The following PCDH11X variants were observed in gnomAD, a reference collection of about 807,000 sequenced individuals.
The protein encoded by PCDH11X is protocadherin-11 X-linked.
Under a neutral mutation model 53.3 loss-of-function variants are expected in PCDH11X, and 18 were observed. The ratio of observed to expected loss-of-function variants is 0.34; its 90% CI spans 0.23 to 0.50. The LOEUF is 0.50. PCDH11X is among the 20% of genes least tolerant of loss of function. PCDH11X has a pLI of 0.98. For synonymous variants in PCDH11X, 279 were observed against 393.3 expected (o/e 0.71, Z 3.44); for missense variants, 570 against 1,032.4 (o/e 0.55, Z 6.14).
intron 4 of PCDH11X, among the ~76,000 whole-genome samples, chrX:91,817,313 A>G (rs1280719622): frequency 9.9e-6 from 1 of 101,294 alleles, no homozygotes; most frequent in Non-Finnish European, 2.0e-5. Flanking sequence ...TTAACAAGTT[A>G]CCAATATCTT....
At chrX:91,779,840 C>A (rs1303211858) in intron 1 of PCDH11X, among the ~76,000 whole-genome samples, 156 bp downstream of exon 1, 2 of 109,443 alleles carry the variant, frequency 1.8e-5, no homozygotes, top group Admixed American at 9.7e-5. Flanking sequence ...CTTCCCCCTT[C>A]TCTTCCCGGG....
chrX:92,017,513 A>G (rs2062814832), intron 6 of PCDH11X, among the ~76,000 whole-genome samples: 1 of 84,247 alleles, frequency 1.2e-5, no homozygotes, highest in African/African-American at 4.8e-5. Context: ...AGACTGGGCA[A>G]CATGGCAAAA....
At chrX:92,032,659 T>C (rs1385715156) in intron 6 of PCDH11X, among the ~76,000 whole-genome samples, 1 of 110,523 alleles carries the variant, frequency 9.0e-6, no homozygotes, top group East Asian at 2.9e-4. Context: ...ATGTTTCTTC[T>C]ATCCCTAGTC....
intron 1 of PCDH11X, among the ~76,000 whole-genome samples, chrX:91,800,682 C>T (rs2147538745): frequency 9.0e-6 from 1 of 111,417 alleles, no homozygotes; most frequent in East Asian, 2.8e-4. Flanking sequence ...GTAGCAATTG[C>T]TTTCTTTTGA....
intron 5 of PCDH11X, among the ~76,000 whole-genome samples, chrX:91,869,688 A>G (rs1172464149): frequency 2.7e-5 from 3 of 111,141 alleles, no homozygotes; most frequent in Non-Finnish European, 5.7e-5. Flanking sequence ...AGTGATTAAA[A>G]TTACATGCTT....
intron 6 of PCDH11X, among the ~76,000 whole-genome samples, chrX:92,154,161 A>G (rs1196329153): frequency 1.8e-5 from 2 of 110,728 alleles, no homozygotes; most frequent in African/African-American, 6.6e-5. Context: ...CTATCTATTG[A>G]TTGGAAAGGA....
chrX:92,229,805 C>A (rs1400373534), intron 7 of PCDH11X, among the ~76,000 whole-genome samples: 1 of 111,157 alleles, frequency 9.0e-6, no homozygotes, highest in Non-Finnish European at 1.9e-5. Flanking sequence ...CTTCTGGAAA[C>A]ATGACCAAAC....
intron 6 of PCDH11X, among the ~76,000 whole-genome samples, chrX:91,926,104 ACACACACACAT>A (rs1941938946): frequency 9.6e-6 from 1 of 104,341 alleles, no homozygotes; most frequent in African/African-American, 3.6e-5. Context: ...ACACACACAC[ACACACACACAT>A]ATATATATAG....
intron 8 of PCDH11X, among the ~76,000 whole-genome samples, chrX:92,293,719 A>G (rs1019912531): frequency 2.7e-5 from 3 of 111,273 alleles, no homozygotes; most frequent in Non-Finnish European, 3.8e-5. Context: ...CGAAATCTCA[A>G]TGAAAAACTC....
Position 92,105,935 on chromosome X carries a change from T to A in PCDH11X, c.3034-95440T>A, listed in dbSNP as rs2064376038. On this transcript the variant is annotated intron_variant, in intron 6 of 10. Transcript: ENST00000682573. Reference sequence around the variant, plus strand: ...GCCTGACACTTCCCTCTACAGTTAATCATTCTTATTAGTTTCTCAAATATG... The same window carrying A: ...GCCTGACACTTCCCTCTACAGTTAAACATTCTTATTAGTTTCTCAAATATG... Among the ~76,000 whole-genome samples, 3 of 111,569 alleles carry A rather than the reference T, an allele frequency of 2.7e-5. No homozygotes were observed. The South Asian group carries it at 1.1e-3, about 42-fold the overall frequency.
intron 8 of PCDH11X, among the ~76,000 whole-genome samples, chrX:92,268,200 T>A (rs1429325511): frequency 3.6e-5 from 4 of 112,352 alleles, no homozygotes; most frequent in Non-Finnish European, 7.5e-5. Context: ...ATCTAGCAAA[T>A]GCATGAGGCT....
intron 8 of PCDH11X, among the ~76,000 whole-genome samples, chrX:92,264,952 A>G (rs1367323052): frequency 2.8e-5 from 3 of 107,024 alleles, no homozygotes; most frequent in Admixed American, 2.0e-4. Flanking sequence ...CAGAAGAAAG[A>G]ATATTGCAAT....
intron 7 of PCDH11X, among the ~76,000 whole-genome samples, chrX:92,221,278 A>AACACACACACACACACAC (rs58264678): frequency 5.7e-5 from 5 of 88,037 alleles, no homozygotes; most frequent in East Asian, 3.7e-4. Flanking sequence ...CATTGTATAC[A>AACACACACACACACACAC]ACACACACAC....
intron 6 of PCDH11X, among the ~76,000 whole-genome samples, chrX:92,052,948 T>A (rs753935264): frequency 9.0e-6 from 1 of 111,471 alleles, no homozygotes; most frequent in African/African-American, 3.2e-5. Flanking sequence ...GTCATTACAT[T>A]TTTGTTGCTG....
At chrX:92,331,572 GTA>G (rs1366431049) in intron 8 of PCDH11X, among the ~76,000 whole-genome samples, 2 of 109,073 alleles carry the variant, frequency 1.8e-5, no homozygotes, top group Non-Finnish European at 3.8e-5. Context: ...AAAGGAAATA[GTA>G]TAGTCAATAC....
At chrX:92,038,111 T>C (rs1325976302) in intron 6 of PCDH11X, among the ~76,000 whole-genome samples, 1 of 110,694 alleles carries the variant, frequency 9.0e-6, no homozygotes, top group Non-Finnish European at 1.9e-5. Context: ...GTTCAGAAAA[T>C]TCAGAGCCTG....
intron 6 of PCDH11X, among the ~76,000 whole-genome samples, chrX:91,904,183 G>A (rs1231427106): frequency 9.0e-6 from 1 of 110,993 alleles, no homozygotes; most frequent in Non-Finnish European, 1.9e-5. Context: ...ATTATATTAT[G>A]TTAGTGCAAA....
At chrX:92,344,613 A>C (rs1290471312) in intron 8 of PCDH11X, among the ~76,000 whole-genome samples, 1 of 99,500 alleles carries the variant, frequency 1.0e-5, no homozygotes, top group Non-Finnish European at 2.0e-5. Flanking sequence ...ATTGTTGATC[A>C]TAATAACTTT....
intron 7 of PCDH11X, among the ~76,000 whole-genome samples, chrX:92,233,070 C>T (rs1011831837): frequency 3.6e-5 from 4 of 111,214 alleles, no homozygotes; most frequent in South Asian, 3.8e-4. Flanking sequence ...CCTCACCTGT[C>T]CTTATCCATT....
Sources: gnomAD v4.1 joint callset for allele counts (sites outside exome capture counted in the v4.1 genomes callset) on GRCh38, gnomAD v4.1.1 for gene constraint, MANE v1.5 for transcripts, NCBI Gene and HGNC (gene_info 2026-07-23, HGNC 2026-07-21) for gene names.